The following OSBPL5 variants were observed in gnomAD, a reference collection of about 807,000 sequenced individuals.
OSBPL5 encodes oxysterol-binding protein-related protein 5.
A neutral mutation model predicts 111.2 loss-of-function variants in OSBPL5; 71 were observed. The observed-to-expected ratio is 0.64, with a 90% CI of 0.53 to 0.78. The LOEUF is 0.78. Ranked by LOEUF, OSBPL5 falls within the 30% of genes least tolerant of loss-of-function variation. The pLI, the probability that OSBPL5 is intolerant of heterozygous loss-of-function variation, is 0.00. For missense variants in OSBPL5, 1,210 were observed against 1,189.3 expected, an observed-to-expected ratio of 1.02 and a Z score of -0.26; for synonymous variants, 549 against 513.9, an observed-to-expected ratio of 1.07 and a Z score of -0.93.
chr11:3,158,070 C>T (rs1263517776), intron 1 of OSBPL5, among the ~76,000 whole-genome samples: 1 of 152,264 alleles, frequency 6.6e-6, no homozygotes, highest in African/African-American at 2.4e-5. Flanking sequence ...AGGCCCTGTC[C>T]CGAAGCGGCC....
chr11:3,101,690 G>A lies in OSBPL5; in HGVS notation c.1435C>T (p.His479Tyr), dbSNP rs756284238. The A allele has an allele frequency of 1.2e-5, 19 of 1,613,514 alleles. No homozygotes were observed. In the South Asian group the frequency reaches 2.1e-4, roughly 18 times the overall value. ...ACGTGGAAGGCAGACACGGGCGGGT[G>A]GTGGGACACCTGCGTGCAGGGAGGC... Reference protein sequence around the residue: ...TFYIAEQVSHHPPVSAFHVSN... With the variant: ...TFYIAEQVSHYPPVSAFHVSN... Residue 479 changes from histidine (H) to tyrosine (Y), a missense_variant, in exon 13 of 22, where the codon CAC becomes TAC. Transcript: ENST00000263650.
intron 6 of OSBPL5, 151 bp from the exon 7 acceptor site, chr11:3,119,782 G>A: frequency 4.8e-6 from 3 of 624,202 alleles, no homozygotes; most frequent in Non-Finnish European, 7.9e-6. Context: ...CACCTGGCCA[G>A]GTAGACACTT....
At chr11:3,134,797 G>C (rs1845906089) in intron 1 of OSBPL5, among the ~76,000 whole-genome samples, 1 of 152,044 alleles carries the variant, frequency 6.6e-6, no homozygotes, top group African/African-American at 2.4e-5. Context: ...GCTGGGACTT[G>C]GGGGTGGGGT....
chr11:3,103,100 C>G (rs1382417331), intron 11 of OSBPL5, 139 bp downstream of exon 11: 1 of 697,638 alleles, frequency 1.4e-6, no homozygotes, highest in East Asian at 3.1e-5. Flanking sequence ...CCTGGGCCCT[C>G]TGTGGGGGTG....
chr11:3,145,665 A>G (rs1226041667), intron 1 of OSBPL5, among the ~76,000 whole-genome samples: 2 of 152,150 alleles, frequency 1.3e-5, no homozygotes, highest in Non-Finnish European at 2.9e-5. Context: ...GGACATTCAC[A>G]GACTCGCACC....
rs1267178187 is a variant in OSBPL5, at chr11:3,154,449, G to T, written c.-22+10767C>A. On this transcript the variant is annotated intron_variant, in intron 1 of 21. Coordinates refer to ENST00000263650, the MANE Select transcript of OSBPL5 (RefSeq NM_020896.4). This position sits in a 1 kb window ranked among gnomAD's most constrained non-coding sequence, Gnocchi z 4.9. The stretch of plus-strand genomic sequence containing the variant: ...CCTGCTGACGCTTCGTTCACCAAGC[G>T]GGGGGCCTCTACAGCTCGCCCAGGT... 6.6e-6 allele frequency among the ~76,000 whole-genome samples: 1 copy of T among 152,234 alleles called. No homozygotes were observed. The highest frequency in any genetic ancestry group is 2.4e-5 in the African/African-American group (1 of 41,470).
At chr11:3,098,348 G>A (rs1199685985) in intron 14 of OSBPL5, among the ~76,000 whole-genome samples, 1 of 150,978 alleles carries the variant, frequency 6.6e-6, no homozygotes, top group East Asian at 1.9e-4. Context: ...TCAGGAGTGA[G>A]GCACTTAAAA....
chr11:3,135,345 T>C (rs1237700617), intron 1 of OSBPL5, among the ~76,000 whole-genome samples: 1 of 152,152 alleles, frequency 6.6e-6, no homozygotes, highest in East Asian at 1.9e-4. Context: ...AATTCGCTCA[T>C]GGCTGGAAGG....
At chr11:3,101,412 C>T (rs1006648392) in intron 13 of OSBPL5, among the ~76,000 whole-genome samples, 191 bp downstream of exon 13, 6 of 152,170 alleles carry the variant, frequency 3.9e-5, no homozygotes, top group South Asian at 2.1e-4. Context: ...ACTCTCAGCT[C>T]GGGGAGCTGC....
intron 7 of OSBPL5, among the ~76,000 whole-genome samples, chr11:3,112,063 ATGTGTG>A (rs1327690572): frequency 3.6e-5 from 1 of 27,696 alleles, no homozygotes; most frequent in Non-Finnish European, 8.9e-5. Context: ...GTGCATGTGT[ATGTGTG>A]TGTGCATGTG....
intron 5 of OSBPL5, 73 bp from the exon 6 acceptor site, chr11:3,120,697 G>T: frequency 6.5e-7 from 1 of 1,538,108 alleles, no homozygotes; most frequent in Non-Finnish European, 8.8e-7. Flanking sequence ...ATGGCTTGGC[G>T]GGGAGCCAGG....
intron 1 of OSBPL5, among the ~76,000 whole-genome samples, chr11:3,132,005 T>C (rs1237048251): frequency 1.1e-3 from 10 of 8,886 alleles, no homozygotes; most frequent in Admixed American, 1.8e-3. Flanking sequence ...TCCCTCCCTT[T>C]CAGGCATCCA....
intron 14 of OSBPL5, among the ~76,000 whole-genome samples, chr11:3,097,086 G>C (rs1406358581): frequency 7.8e-6 from 1 of 128,678 alleles, no homozygotes; most frequent in African/African-American, 3.0e-5. Context: ...AGGAGGAGAA[G>C]AGGAAAGAGG....
chr11:3,154,623 T>C lies in OSBPL5; in HGVS notation c.-22+10593A>G, dbSNP rs1846695889. ...GCAAATGCTGGGCCCTCACAGGGGA[T>C]AAAAACAGAACCCACTGACGAGACG... On this transcript the variant is annotated intron_variant, in intron 1 of 21. Transcript: ENST00000263650. This position sits in a 1 kb window ranked among gnomAD's most constrained non-coding sequence, Gnocchi z 4.9. Among the ~76,000 whole-genome samples the C allele has an allele frequency of 6.6e-6, 1 of 152,122 alleles. No homozygotes were observed. The highest frequency in any genetic ancestry group is 2.4e-5 in the African/African-American group (1 of 41,422).
intron 1 of OSBPL5, among the ~76,000 whole-genome samples, chr11:3,150,941 G>A (rs1247592076): frequency 1.3e-5 from 2 of 152,148 alleles, no homozygotes; most frequent in Non-Finnish European, 2.9e-5. Context: ...CCCTCTCCCG[G>A]CGGTGGAGGG....
At position 3,100,140 on chromosome 11, in the gene OSBPL5, T is replaced by G; in HGVS notation, c.1621+18A>C. On this transcript the variant is annotated intron_variant, in intron 14 of 21. Transcript: ENST00000263650. ...AGAGCCTGGCTCTGCCCTCGGAGTG[T>G]GTGGCTGAGCCTCTCACCTTTGCAG... 6.2e-7 allele frequency: 1 copy of G among 1,611,058 alleles called. No homozygotes were observed. Among genetic ancestry groups the G allele is most frequent in the Non-Finnish European group, 8.5e-7 (1 of 1,177,580 alleles).
At chr11:3,136,749 C>G (rs1564852991) in intron 1 of OSBPL5, among the ~76,000 whole-genome samples, 1 of 152,330 alleles carries the variant, frequency 6.6e-6, no homozygotes, top group East Asian at 1.9e-4. Context: ...ATGTGGCTTC[C>G]TCACCCACAG....
At chr11:3,136,000 AC>A (rs764139181) in intron 1 of OSBPL5, among the ~76,000 whole-genome samples, 11 of 152,022 alleles carry the variant, frequency 7.2e-5, no homozygotes, top group Non-Finnish European at 1.6e-4. Context: ...GGCATGAAAG[AC>A]CCCTTCCACC....
At chr11:3,103,733 CCTGCCTCTG>C (rs1184672937) in intron 10 of OSBPL5, among the ~76,000 whole-genome samples, 3 of 72,640 alleles carry the variant, frequency 4.1e-5, no homozygotes, top group East Asian at 8.0e-4. Flanking sequence ...GCTGCCCCTT[CCTGCCTCTG>C]CAACCCTCTT....
Sources: allele counts gnomAD v4.1 joint callset (sites outside exome capture counted in the v4.1 genomes callset), GRCh38; gene constraint gnomAD v4.1.1; non-coding constraint Gnocchi (gnomAD v3.1); transcripts MANE v1.5; gene names NCBI Gene and HGNC (gene_info 2026-07-23, HGNC 2026-07-21).